The following ANK2 variants were observed in gnomAD, a reference collection of about 807,000 sequenced individuals.
The protein encoded by ANK2 is ankyrin 2.
ANK2 carries 83 observed loss-of-function variants against 360.5 expected under a neutral mutation model. That is an observed-to-expected ratio of 0.23 (90% CI 0.19 to 0.28). ANK2 has a LOEUF of 0.28. Ranked by LOEUF, ANK2 falls within the 10% of genes least tolerant of loss-of-function variation. ANK2 has a pLI of 1.00. For missense variants in ANK2, 4,201 were observed against 4,795.7 expected (o/e 0.88, Z 3.66); for synonymous variants, 1,740 against 1,759.5 (o/e 0.99, Z 0.28).
At chr4:112,971,498 C>T (rs2039508529) in intron 2 of ANK2, among the ~76,000 whole-genome samples, 1 of 152,066 alleles carries the variant, frequency 6.6e-6, no homozygotes, top group South Asian at 2.1e-4. Flanking sequence ...GAAAATAGAA[C>T]ATAAGTACGT....
intron 9 of ANK2, among the ~76,000 whole-genome samples, chr4:113,247,343 T>C (rs936970616): frequency 6.6e-6 from 1 of 152,216 alleles, no homozygotes; most frequent in Non-Finnish European, 1.5e-5. Context: ...CAAAATCTAA[T>C]CAAATTGAGC....
intron 36 of ANK2, 98 bp downstream of exon 36, chr4:113,348,406 GTTC>G (rs1205243195): frequency 3.1e-6 from 4 of 1,300,258 alleles, no homozygotes; most frequent in Middle Eastern, 1.8e-4. Flanking sequence ...GGGGTAGGCG[GTTC>G]TTCTTAGTAA....
intron 1 of ANK2, chr4:113,145,952 C>T (rs1362194838): frequency 1.3e-5 from 17 of 1,289,762 alleles, no homozygotes; most frequent in Non-Finnish European, 1.7e-5. Context: ...TGGATAAAAC[C>T]CCAGACTACT....
chr4:112,903,840 T>A (rs930180627), intron 1 of ANK2, among the ~76,000 whole-genome samples: 1 of 152,220 alleles, frequency 6.6e-6, no homozygotes. Flanking sequence ...ACGTAAACTT[T>A]ATGATGTTTA....
intron 2 of ANK2, among the ~76,000 whole-genome samples, chr4:112,932,491 CAAA>C (rs750709290): frequency 2.2e-4 from 12 of 54,618 alleles, no homozygotes; most frequent in East Asian, 1.1e-3. Context: ...GACTCCGTCT[CAAA>C]AAAAAAAAAA....
chr4:113,051,846 A>C (rs530611164), intron 1 of ANK2, among the ~76,000 whole-genome samples: 49 of 152,342 alleles, frequency 3.2e-4, no homozygotes, highest in Admixed American at 1.7e-3. Flanking sequence ...GAAATAATGT[A>C]TATATGATTA....
intron 2 of ANK2, among the ~76,000 whole-genome samples, chr4:112,971,953 A>C (rs1318519416): frequency 6.6e-6 from 1 of 152,224 alleles, no homozygotes; most frequent in East Asian, 1.9e-4. Flanking sequence ...AGATGCACCT[A>C]CTTGAACCAT....
At chr4:112,785,795 A>G in the ANK2 span, among the ~76,000 whole-genome samples, 1 of 151,416 alleles carries the variant, frequency 6.6e-6, no homozygotes, top group Non-Finnish European at 1.5e-5. Flanking sequence ...CAGCCCCACA[A>G]AGTGCTGGGA....
chr4:112,922,660 C>G (rs994360159), intron 2 of ANK2, among the ~76,000 whole-genome samples: 2 of 152,048 alleles, frequency 1.3e-5, no homozygotes, highest in Admixed American at 1.3e-4. Context: ...TTATTTTGAG[C>G]AAAGATTTCA....
the ANK2 span, among the ~76,000 whole-genome samples, chr4:112,777,374 G>A: frequency 1.4e-4 from 21 of 151,148 alleles, no homozygotes; most frequent in Non-Finnish European, 3.1e-4. Flanking sequence ...GAATAGCTGG[G>A]ACTACAGACA....
intron 1 of ANK2, among the ~76,000 whole-genome samples, chr4:112,846,928 C>T (rs1317192549): frequency 2.0e-5 from 3 of 152,144 alleles, no homozygotes; most frequent in Non-Finnish European, 4.4e-5. Context: ...GTTCCAATAT[C>T]CAGGAAACGA....
chr4:112,807,012 G>A, the ANK2 span, among the ~76,000 whole-genome samples: 1 of 152,156 alleles, frequency 6.6e-6, no homozygotes, highest in Admixed American at 6.5e-5. Flanking sequence ...TCTGGGCCTT[G>A]GGTGGCCCAT....
chr4:113,367,753 C>G lies in ANK2; in HGVS notation c.11220C>G (p.Leu3740=), dbSNP rs764003728. 2 of 1,614,080 alleles carry G rather than the reference C, an allele frequency of 1.2e-6. No individual in the cohort carries two copies. Among genetic ancestry groups the G allele is most frequent in the Admixed American group, 3.3e-5 (2 of 60,020 alleles). Residue 3740 remains leucine (L), a synonymous_variant, in exon 42 of 46, where the codon CTC becomes CTG. Transcript: ENST00000357077. The stretch of plus-strand genomic sequence containing the variant: ...AGGGGGACAGCTCAGCAACAGCACT[C>G]TTTCCCCAAACTCACAAGGAGCAAG... ...KTEGDSSATA[L]FPQTHKEQVQ... is the part of the protein sequence containing the mutation.
intron 23 of ANK2, among the ~76,000 whole-genome samples, chr4:113,310,589 G>T (rs1028375134): frequency 6.6e-6 from 1 of 152,098 alleles, no homozygotes; most frequent in South Asian, 2.1e-4. Context: ...GCTAATTTTT[G>T]TATTTTTAGT....
At chr4:112,719,726 C>CAA in the ANK2 span, among the ~76,000 whole-genome samples, 9,122 of 101,500 alleles carry the variant, frequency 0.09, 447 homozygotes, top group African/African-American at 0.18. Flanking sequence ...GACTCCGACT[C>CAA]AAAAAAAAAA....
At chr4:112,709,457 A>G in the ANK2 span, among the ~76,000 whole-genome samples, 3 of 152,198 alleles carry the variant, frequency 2.0e-5, no homozygotes, top group Non-Finnish European at 4.4e-5. Flanking sequence ...GACATATAAG[A>G]TATATTGAAG....
At chr4:113,095,946 C>T (rs2090856607) in intron 1 of ANK2, among the ~76,000 whole-genome samples, 1 of 152,168 alleles carries the variant, frequency 6.6e-6, no homozygotes, top group African/African-American at 2.4e-5. Flanking sequence ...TCTGGTCTAT[C>T]ACCAGGCTCC....
chr4:113,287,941 G>T (rs756056787), intron 19 of ANK2, among the ~76,000 whole-genome samples: 18 of 152,192 alleles, frequency 1.2e-4, no homozygotes, highest in Non-Finnish European at 2.2e-4. Context: ...CAATTTTGCA[G>T]CCTTAAGTCT....
chr4:113,072,024 CTGCTCCCT>C (rs1352668302), intron 1 of ANK2: 1 of 152,222 alleles, frequency 6.6e-6, no homozygotes, highest in Non-Finnish European at 1.5e-5. Flanking sequence ...ATGGGGGAAA[CTGCTCCCT>C]TGATTCAATT....
Sources: allele counts gnomAD v4.1 joint callset (sites outside exome capture counted in the v4.1 genomes callset), GRCh38; gene constraint gnomAD v4.1.1; transcripts MANE v1.5; gene names NCBI Gene and HGNC (gene_info 2026-07-23, HGNC 2026-07-21).